Variants in HS6ST2 observed in about 807,000 individuals in gnomAD.
HS6ST2 encodes the protein heparan-sulfate 6-O-sulfotransferase 2.
Under a neutral mutation model 33.0 loss-of-function variants are expected in HS6ST2, and 17 were observed. The observed-to-expected ratio is 0.52, with a 90% CI of 0.35 to 0.77. The LOEUF (loss-of-function observed/expected upper bound fraction) is 0.77. Ranked by LOEUF, HS6ST2 falls within the 30% of genes least tolerant of loss-of-function variation. The pLI is 0.01. For synonymous variants in HS6ST2, 248 were observed against 237.1 expected, an observed-to-expected ratio of 1.05 and a Z score of -0.42; for missense variants, 519 against 551.7, an observed-to-expected ratio of 0.94 and a Z score of 0.59.
intron 4 of HS6ST2, among the ~76,000 whole-genome samples, chrX:132,644,411 C>A (rs1233669864): frequency 9.0e-6 from 1 of 111,207 alleles, no homozygotes; most frequent in Non-Finnish European, 1.9e-5. Context: ...GGAAACTGAA[C>A]CTCAAACAAA....
intron 2 of HS6ST2, among the ~76,000 whole-genome samples, chrX:132,916,586 C>T (rs1345370859): frequency 8.9e-6 from 1 of 111,980 alleles, no homozygotes; most frequent in Admixed American, 9.5e-5. Flanking sequence ...CAACTGGCTG[C>T]CAGCGTGGCT....
At chrX:132,664,274 G>T (rs1192885051) in intron 4 of HS6ST2, among the ~76,000 whole-genome samples, 2 of 112,199 alleles carry the variant, frequency 1.8e-5, no homozygotes, top group African/African-American at 6.5e-5. Flanking sequence ...CTCCCAAAGT[G>T]CTGGGATTAC....
intron 4 of HS6ST2, among the ~76,000 whole-genome samples, chrX:132,636,951 A>C (rs964066898): frequency 7.1e-5 from 8 of 112,248 alleles, no homozygotes. Flanking sequence ...CAGAATGAAG[A>C]AACTGAGACT....
chrX:132,795,550 T>C (rs2065168561), intron 2 of HS6ST2, among the ~76,000 whole-genome samples: 1 of 111,859 alleles, frequency 8.9e-6, no homozygotes, highest in African/African-American at 3.2e-5. Context: ...TTACATGTAC[T>C]TTTCTTCACT....
At chrX:132,670,193 T>C (rs953968217) in intron 3 of HS6ST2, among the ~76,000 whole-genome samples, 8 of 111,799 alleles carry the variant, frequency 7.2e-5, no homozygotes, top group East Asian at 5.6e-4. Flanking sequence ...TTTTAATGTG[T>C]ATAATAGAAC....
At chrX:132,809,721 C>T (rs147968393) in intron 2 of HS6ST2, among the ~76,000 whole-genome samples, 9 of 111,992 alleles carry the variant, frequency 8.0e-5, no homozygotes, top group African/African-American at 2.9e-4. Flanking sequence ...TCACATGGCC[C>T]ATAAACCACC....
At chrX:132,956,716 TGC>T in intron 2 of HS6ST2, 90 bp downstream of exon 2, 1 of 1,023,604 alleles carries the variant, frequency 9.8e-7, no homozygotes, top group African/African-American at 2.0e-5. Flanking sequence ...GGCGTCAGGG[TGC>T]GCGCTAGGTC....
intron 2 of HS6ST2, among the ~76,000 whole-genome samples, chrX:132,821,455 G>T (rs1489302745): frequency 3.7e-5 from 4 of 109,163 alleles, no homozygotes. Context: ...CTTGTGATCC[G>T]CCCACCTCGG....
intron 2 of HS6ST2, among the ~76,000 whole-genome samples, chrX:132,757,889 T>C (rs2085371781): frequency 8.9e-6 from 1 of 111,902 alleles, no homozygotes; most frequent in Non-Finnish European, 1.9e-5. Context: ...GTTTCCAGAA[T>C]GGAGTCTGAT....
chrX:132,897,528 G>A (rs1273635500), intron 2 of HS6ST2, among the ~76,000 whole-genome samples: 1 of 111,784 alleles, frequency 8.9e-6, no homozygotes, highest in African/African-American at 3.3e-5. Flanking sequence ...CTCATAGGCA[G>A]ATGTGAGGAT....
intron 2 of HS6ST2, among the ~76,000 whole-genome samples, chrX:132,726,450 G>T (rs1194637787): frequency 1.8e-5 from 2 of 112,551 alleles, no homozygotes; most frequent in Non-Finnish European, 3.8e-5. Context: ...ACTTGTTTTT[G>T]ATTCAAATTG....
rs200388129 is a variant in HS6ST2 at position 132,874,914 on chromosome X, G to GCT, written c.947+81893_947+81894insAG. Among the ~76,000 whole-genome samples the GCT allele has an allele frequency of 1.0e-4, 11 of 110,106 alleles. No individual in the cohort carries two copies. The South Asian group carries it at 3.6e-3, about 36-fold the overall frequency. ...CCAACACCTCCTCCTCTGGAAGGGG[G>GCT]GGGCGGCCCATGGCAGAAAATGGGC... On this transcript the variant is annotated intron_variant, in intron 2 of 4. Transcript: ENST00000370833.
chrX:132,934,926 G>A (rs2066808643), intron 2 of HS6ST2, among the ~76,000 whole-genome samples: 1 of 110,662 alleles, frequency 9.0e-6, no homozygotes, highest in South Asian at 3.8e-4. Context: ...AAAAAGAAGA[G>A]AAAAGATATC....
intron 2 of HS6ST2, among the ~76,000 whole-genome samples, chrX:132,766,462 C>G (rs2064849285): frequency 9.0e-6 from 1 of 111,690 alleles, no homozygotes; most frequent in Admixed American, 9.5e-5. Context: ...CTCTGGAGGA[C>G]AATGTCACAA....
intron 3 of HS6ST2, among the ~76,000 whole-genome samples, chrX:132,696,629 T>C (rs1457687786): frequency 8.9e-6 from 1 of 112,193 alleles, no homozygotes; most frequent in Non-Finnish European, 1.9e-5. Flanking sequence ...AAATTAACCT[T>C]GGTTTGGCAG....
At chrX:132,776,887 C>T (rs929151865) in intron 2 of HS6ST2, among the ~76,000 whole-genome samples, 3 of 110,364 alleles carry the variant, frequency 2.7e-5, no homozygotes, top group Non-Finnish European at 3.8e-5. Context: ...CAGTTTAAGT[C>T]TCTGATTACT....
At chrX:132,802,679 G>C (rs1446893573) in intron 2 of HS6ST2, among the ~76,000 whole-genome samples, 4 of 110,325 alleles carry the variant, frequency 3.6e-5, no homozygotes, top group Non-Finnish European at 5.7e-5. Flanking sequence ...CAGGGCACCA[G>C]GAATGCACCT....
chrX:132,885,235 A>G (rs1056761145), intron 2 of HS6ST2, among the ~76,000 whole-genome samples: 6 of 111,678 alleles, frequency 5.4e-5, no homozygotes, highest in Non-Finnish European at 1.1e-4. Context: ...GTTGGTGGGA[A>G]ACAGAAATGA....
intron 2 of HS6ST2, among the ~76,000 whole-genome samples, chrX:132,850,147 T>C (rs765741777): frequency 8.9e-6 from 1 of 112,371 alleles, no homozygotes; most frequent in Non-Finnish European, 1.9e-5. Context: ...AAATACATTG[T>C]ATGGTTTTAT....
Sources: allele counts gnomAD v4.1 joint callset (sites outside exome capture counted in the v4.1 genomes callset), GRCh38; gene constraint gnomAD v4.1.1; transcripts MANE v1.5; gene names NCBI Gene and HGNC (gene_info 2026-07-23, HGNC 2026-07-21).